Variants in ABCD2 observed in about 807,000 individuals in gnomAD.
ABCD2 encodes the protein ATP-binding cassette sub-family D member 2.
Under a neutral mutation model 70.9 loss-of-function variants are expected in ABCD2, and 36 were observed. The ratio of observed to expected loss-of-function variants is 0.51; its 90% CI spans 0.39 to 0.67. The LOEUF (loss-of-function observed/expected upper bound fraction) is 0.67, where lower values mean the gene tolerates loss of function less well. Ranked by LOEUF, ABCD2 falls within the 30% of genes least tolerant of loss-of-function variation. The pLI, the probability that ABCD2 is intolerant of heterozygous loss-of-function variation, is 0.00. For missense variants in ABCD2, 729 were observed against 890.2 expected (o/e 0.82, Z 2.30); for synonymous variants, 304 against 306.9 (o/e 0.99, Z 0.10).
Position 39,619,352 on chromosome 12 carries a change from T to C in ABCD2, c.264A>G (p.Leu88=). The C allele has an allele frequency of 6.2e-7, 1 of 1,614,098 alleles. No individual in the cohort carries two copies. The highest frequency in any genetic ancestry group is 8.5e-7 in the Non-Finnish European group (1 of 1,180,016). ...GAAACAAAATTTTCCGAAGTTCTAGTAGCTGTTTGAAGAAATCTGCATTCA... is the reference window on the plus strand; with the variant it reads ...GAAACAAAATTTTCCGAAGTTCTAGCAGCTGTTTGAAGAAATCTGCATTCA... The part of the protein sequence containing the change: ...PGVNADFFKQ[L]LELRKILFPK... The change falls in exon 1 of 10, where the codon CTA becomes CTG. Residue 88 remains leucine, a synonymous_variant. Transcript: ENST00000308666.
At chr12:39,562,335 T>A (rs1041874935) in intron 9 of ABCD2, among the ~76,000 whole-genome samples, 1 of 151,498 alleles carries the variant, frequency 6.6e-6, no homozygotes, top group South Asian at 2.1e-4. Context: ...GGAAATAATA[T>A]ACATCAGAGT....
At chr12:39,594,182 C>T (rs1941783853) in intron 6 of ABCD2, among the ~76,000 whole-genome samples, 1 of 152,106 alleles carries the variant, frequency 6.6e-6, no homozygotes, top group South Asian at 2.1e-4. Context: ...ACACATGCCC[C>T]TGTTGATACC....
At chr12:39,561,935 A>C (rs1941265972) in intron 9 of ABCD2, among the ~76,000 whole-genome samples, 1 of 152,186 alleles carries the variant, frequency 6.6e-6, no homozygotes, top group Non-Finnish European at 1.5e-5. Context: ...GATCACATGT[A>C]ATGCCATAAA....
chr12:39,603,939 T>G lies in ABCD2; in HGVS notation c.1473A>C (p.Glu491Asp), dbSNP rs752376418. ...TGAAGTTTAGCCTGGAAGCCACCACTTCTCCTGCTGGTGTAATTATGGGAA... is the reference window on the plus strand; with the variant it reads ...TGAAGTTTAGCCTGGAAGCCACCACGTCTCCTGCTGGTGTAATTATGGGAA... Reference protein sequence around the residue: ...ENVPIITPAGEVVASRLNFKV... With the variant: ...ENVPIITPAGDVVASRLNFKV... The change falls in exon 5 of 10, where the codon GAA (glutamate) becomes GAC (aspartate). Residue 491 changes from glutamate (E) to aspartate (D), a missense_variant. Coordinates refer to ENST00000308666, the MANE Select transcript of ABCD2 (RefSeq NM_005164.4). 3.7e-6 allele frequency: 6 copies of G among 1,612,754 alleles called. No individual in the cohort carries two copies. The South Asian group carries it at 6.6e-5, about 18-fold the overall frequency.
intron 2 of ABCD2, among the ~76,000 whole-genome samples, chr12:39,610,458 G>A (rs553843066): frequency 2.2e-4 from 34 of 152,278 alleles, no homozygotes; most frequent in Admixed American, 1.9e-3. Flanking sequence ...TTAAAGACAT[G>A]TAAATGTGTG....
intron 2 of ABCD2, among the ~76,000 whole-genome samples, chr12:39,610,371 G>A (rs775279639): frequency 2.3e-4 from 35 of 152,220 alleles, no homozygotes; most frequent in Middle Eastern, 3.4e-3. Context: ...AAAACAAAAA[G>A]GCTGATGAGC....
intron 9 of ABCD2, among the ~76,000 whole-genome samples, chr12:39,565,721 A>G (rs945795253): frequency 3.3e-5 from 5 of 152,182 alleles, no homozygotes; most frequent in African/African-American, 1.2e-4. Flanking sequence ...TTCAAAGGGA[A>G]TGCTCCCAGT....
At chr12:39,618,567 TA>T in intron 1 of ABCD2, 109 bp downstream of exon 1, 1 of 929,550 alleles carries the variant, frequency 1.1e-6, no homozygotes, top group Non-Finnish European at 1.6e-6. Context: ...CAGAGGAATC[TA>T]AGACACTAAA....
intron 9 of ABCD2, among the ~76,000 whole-genome samples, chr12:39,573,315 C>G (rs1423623022): frequency 1.3e-5 from 2 of 152,102 alleles, no homozygotes; most frequent in Non-Finnish European, 2.9e-5. Context: ...GTTTTCTCCA[C>G]TTAATCCTTT....
At chr12:39,603,268 G>A (rs1461283266) in intron 5 of ABCD2, among the ~76,000 whole-genome samples, 1 of 152,030 alleles carries the variant, frequency 6.6e-6, no homozygotes, top group Non-Finnish European at 1.5e-5. Context: ...TGTCATTAAT[G>A]CTTGTCAGCA....
At chr12:39,613,860 T>C (rs1412781569) in intron 2 of ABCD2, among the ~76,000 whole-genome samples, 1 of 152,208 alleles carries the variant, frequency 6.6e-6, no homozygotes, top group Non-Finnish European at 1.5e-5. Context: ...ACCATAAGAT[T>C]TCACTTAAAG....
intron 6 of ABCD2, among the ~76,000 whole-genome samples, chr12:39,588,905 A>C (rs1941704611): frequency 6.6e-6 from 1 of 152,220 alleles, no homozygotes; most frequent in South Asian, 2.1e-4. Context: ...ATTGGGAAAA[A>C]CAAGTTGCTC....
chr12:39,540,023 T>C, the ABCD2 span, among the ~76,000 whole-genome samples: 1 of 152,196 alleles, frequency 6.6e-6, no homozygotes. Context: ...CTGTGGAGCA[T>C]TGATCCAGGT....
At chr12:39,566,165 G>A (rs905324180) in intron 9 of ABCD2, among the ~76,000 whole-genome samples, 28 of 151,962 alleles carry the variant, frequency 1.8e-4, no homozygotes, top group Non-Finnish European at 3.1e-4. Context: ...GGGAGGATTC[G>A]CTCTTTTTCT....
the ABCD2 span, among the ~76,000 whole-genome samples, chr12:39,537,867 G>A: frequency 6.6e-6 from 1 of 152,084 alleles, no homozygotes; most frequent in Non-Finnish European, 1.5e-5. Context: ...CTTGCTCTGT[G>A]GGATAAAAAA....
the ABCD2 span, among the ~76,000 whole-genome samples, chr12:39,533,165 C>CA: frequency 1.0e-3 from 146 of 143,868 alleles, no homozygotes; most frequent in East Asian, 3.0e-3. Context: ...GACTCTGTCT[C>CA]AAAAAAAAAC....
intron 2 of ABCD2, among the ~76,000 whole-genome samples, chr12:39,612,523 A>C (rs1283310050): frequency 6.6e-6 from 1 of 152,208 alleles, no homozygotes. Flanking sequence ...AAACTAGCAA[A>C]TACTACTTGA....
the ABCD2 span, among the ~76,000 whole-genome samples, chr12:39,543,296 T>A: frequency 6.6e-6 from 1 of 152,196 alleles, no homozygotes; most frequent in Non-Finnish European, 1.5e-5. Context: ...AGCGTGACAT[T>A]TGGACCCTTG....
chr12:39,555,048 T>G (rs553238148), intron 9 of ABCD2, among the ~76,000 whole-genome samples: 8 of 152,308 alleles, frequency 5.3e-5, no homozygotes, highest in Non-Finnish European at 7.3e-5. Flanking sequence ...AATTGAGAGA[T>G]AATTCACATA....
Sources: gnomAD v4.1 joint callset for allele counts (sites outside exome capture counted in the v4.1 genomes callset) on GRCh38, gnomAD v4.1.1 for gene constraint, MANE v1.5 for transcripts, NCBI Gene and HGNC (gene_info 2026-07-23, HGNC 2026-07-21) for gene names.